ETNPPL: variants seen among roughly 807,000 people sequenced by gnomAD.
The protein encoded by ETNPPL is ethanolamine-phosphate phospho-lyase.
ETNPPL carries 30 observed loss-of-function variants against 55.5 expected under a neutral mutation model. The ratio of observed to expected loss-of-function variants is 0.54; its 90% CI spans 0.40 to 0.73. The LOEUF (loss-of-function observed/expected upper bound fraction) is 0.73, where lower values mean the gene tolerates loss of function less well. ETNPPL is among the 30% of genes least tolerant of loss of function. The probability of loss-of-function intolerance (pLI) is 0.00; values close to 1 mark genes in which losing one functional copy is unlikely to be tolerated. For missense variants in ETNPPL, 528 were observed against 607.9 expected (o/e 0.87, Z 1.38); for synonymous variants, 202 against 207.2 (o/e 0.98, Z 0.21).
At chr4:108,753,193 T>C (rs539185262) in intron 5 of ETNPPL, among the ~76,000 whole-genome samples, 182 bp from the exon 6 acceptor site, 1 of 152,346 alleles carries the variant, frequency 6.6e-6, no homozygotes, top group East Asian at 1.9e-4. Context: ...CATCTTTGAA[T>C]TGTGAACAGA....
chr4:108,762,751 A>G (rs1729574865), intron 1 of ETNPPL, 92 bp downstream of exon 1: 6 of 1,452,642 alleles, frequency 4.1e-6, no homozygotes, highest in East Asian at 2.3e-5. Flanking sequence ...GCTGCAGCGC[A>G]TCGTTTGTTC....
chr4:108,754,706 A>G lies in ETNPPL; in HGVS notation c.415T>C (p.Tyr139His). The change falls in exon 5 of 13, where the codon TAC becomes CAC. Residue 139 changes from tyrosine (Y) to histidine (H), a missense_variant. Coordinates refer to ENST00000296486, the MANE Select transcript of ETNPPL (RefSeq NM_031279.4). ...HQDVITLDHAYHGHLSSLIEI... is the reference protein window; with the variant it reads ...HQDVITLDHAHHGHLSSLIEI... ...ATTAAGGATGATAGGTGACCATGGT[A>G]AGCACTGAAGAGACAAAGAAAAAAA... 2 of 1,552,152 alleles carry G rather than the reference A, an allele frequency of 1.3e-6. No homozygotes were observed.
intron 11 of ETNPPL, among the ~76,000 whole-genome samples, chr4:108,745,795 G>A (rs144563456): frequency 1.8e-4 from 27 of 151,500 alleles, no homozygotes; most frequent in African/African-American, 6.3e-4. Flanking sequence ...GCCCGGCATG[G>A]TGGCGGGTGC....
chr4:108,752,956 G>A lies in ETNPPL; in HGVS notation c.557C>T (p.Ala186Val). 1 of 1,612,662 alleles carries A rather than the reference G, an allele frequency of 6.2e-7. No individual in the cohort carries two copies. The highest frequency in any genetic ancestry group is 8.5e-7 in the Non-Finnish European group (1 of 1,179,242). The change falls in exon 6 of 13, where the codon GCC becomes GTC. Residue 186 changes from alanine to valine, a missense_variant. Coordinates refer to ENST00000296486, the MANE Select transcript of ETNPPL (RefSeq NM_031279.4). ...GKYREDHADS[A>V]SAYADEVKKI... ...CTTCACTTCATCTGCATAAGCACTG[G>A]CTGAGTCTGCATGGTCTTCTCTATA...
intron 1 of ETNPPL, 28 bp downstream of exon 1, chr4:108,762,815 A>C (rs1184835032): frequency 1.2e-6 from 2 of 1,613,046 alleles, no homozygotes; most frequent in Admixed American, 3.3e-5. Flanking sequence ...CCCTCTCTGC[A>C]CTTACTTCCG....
intron 10 of ETNPPL, 29 bp downstream of exon 10, chr4:108,746,733 C>A (rs760750747): frequency 8.4e-5 from 134 of 1,602,902 alleles, no homozygotes; most frequent in Non-Finnish European, 1.1e-4. Context: ...AGCCAAGATA[C>A]CAAACAGGTG....
At position 108,747,870 on chromosome 4, in the gene ETNPPL, T is replaced by C. The variant is rs1388418068; in HGVS notation, c.1082+135A>G. 6.6e-5 allele frequency: 44 copies of C among 662,116 alleles called. No individual in the cohort carries two copies. In the East Asian group the frequency reaches 1.3e-3, roughly 19 times the overall value. The allele number at this position is 662,116 out of a possible 1,614,324, so 41.0% of individuals were successfully genotyped here. A position where few individuals can be genotyped will look rare whatever the true frequency, so the allele number is the denominator to read the frequency against. On this transcript the variant is annotated intron_variant, in intron 9 of 12. Coordinates refer to ENST00000296486, the MANE Select transcript of ETNPPL (RefSeq NM_031279.4). ...CAGCCTCCCGAGTAGCTGGGACTAT[T>C]TGTGTGTGCCACCACACCTGGCTAA... is the stretch of plus-strand genomic sequence containing the variant.
Position 108,750,920 on chromosome 4 carries a change from C to A in ETNPPL, c.701+16G>T, listed in dbSNP as rs768689996. The A allele has an allele frequency of 6.9e-6, 11 of 1,596,330 alleles. No homozygotes were observed. The Admixed American group carries it at 8.3e-5, about 12-fold the overall frequency. ...TGCTCTCAGTTTGACCAAGGAGGCCCAAGTCAAGTACATACTCTGCCACTT... is the reference window on the plus strand; with the variant it reads ...TGCTCTCAGTTTGACCAAGGAGGCCAAAGTCAAGTACATACTCTGCCACTT... On this transcript the variant is annotated intron_variant, in intron 7 of 12. Transcript: ENST00000296486.
chr4:108,743,908 G>GA (rs776647228), intron 11 of ETNPPL, 52 bp from the exon 12 acceptor site: 8 of 1,284,244 alleles, frequency 6.2e-6, no homozygotes, highest in Non-Finnish European at 8.9e-6. Context: ...AAAACCTTAA[G>GA]AAAAAAACTT....
At chr4:108,746,306 C>G in intron 11 of ETNPPL, 93 bp downstream of exon 11, 1 of 1,146,358 alleles carries the variant, frequency 8.7e-7, no homozygotes, top group African/African-American at 1.6e-5. Context: ...TCATGAATAA[C>G]AAGATGCATA....
At chr4:108,754,771 T>C in intron 4 of ETNPPL, 61 bp from the exon 5 acceptor site, 1 of 1,019,594 alleles carries the variant, frequency 9.8e-7, no homozygotes, top group South Asian at 1.3e-5. Flanking sequence ...TATTTTCAAG[T>C]ATATGAAAAC....
rs747151062 is a variant in ETNPPL at position 108,760,271 on chromosome 4, A to G, written c.92T>C (p.Ile31Thr). 3 of 1,611,496 alleles carry G rather than the reference A, an allele frequency of 1.9e-6. No individual in the cohort carries two copies. Among genetic ancestry groups the G allele is most frequent in the Non-Finnish European group, 2.5e-6 (3 of 1,178,016 alleles). ...CTGCCTCTGGGCTCTCACTATTTTG[A>G]TGGGATCCGATGCAAAGAAAACTTT... ...SCKVFFASDP[I>T]KIVRAQRQYM... Residue 31 changes from isoleucine (I) to threonine (T), a missense_variant, in exon 2 of 13, where the codon ATC (isoleucine) becomes ACC (threonine). By Grantham distance (89) the Ile-to-Thr change is moderately conservative. Transcript: ENST00000296486.
Position 108,742,489 on chromosome 4 carries a change from T to C in ETNPPL, c.1495A>G (p.Thr499Ala). 6.2e-7 allele frequency: 1 copy of C among 1,614,162 alleles called. No individual in the cohort carries two copies. Among genetic ancestry groups the C allele is most frequent in the Non-Finnish European group, 8.5e-7 (1 of 1,179,990 alleles). Reference sequence around the variant, plus strand: ...TGCTTTAAAATGCAAATCAGTCATGTCTTGAGCCTCTTACTGAGCAGTGAA... The same window carrying C: ...TGCTTTAAAATGCAAATCAGTCATGCCTTGAGCCTCTTACTGAGCAGTGAA... Reference protein sequence around the residue: ...THSLLSKRLKT With the variant: ...THSLLSKRLKA Residue 499 changes from threonine to alanine, a missense_variant, in exon 13 of 13, where the codon ACA becomes GCA. By Grantham distance (58) the Thr-to-Ala change is moderately conservative. Transcript: ENST00000296486.
At chr4:108,762,268 G>A (rs1332038245) in intron 1 of ETNPPL, 5 of 439,184 alleles carry the variant, frequency 1.1e-5, no homozygotes, top group Non-Finnish European at 2.3e-5. Flanking sequence ...AGAGCAAGTT[G>A]GGTAAGAGGG....
rs549154634 is a variant in ETNPPL at position 108,743,817 on chromosome 4, G to A, written c.1343C>T (p.Thr448Ile). 1.2e-6 allele frequency: 2 copies of A among 1,611,816 alleles called. No homozygotes were observed. The highest frequency in any genetic ancestry group is 2.2e-5 in the South Asian group (2 of 91,010). The part of the protein sequence containing the change: ...EAMGTKTESV[T>I]SENTPCKTKM... The stretch of plus-strand genomic sequence containing the variant: ...TGTTTTGCATGGAGTATTCTCAGAG[G>A]TCACACTTTCGGTTTTGGTTCCCAT... The change falls in exon 12 of 13, where the codon ACC (threonine) becomes ATC (isoleucine). Residue 448 changes from threonine (T) to isoleucine (I), a missense_variant. Thr to Ile is a moderately conservative substitution (Grantham distance 89). Transcript: ENST00000296486.
Position 108,742,243 on chromosome 4 carries a change from G to T in ETNPPL, c.*241C>A. 1 of 337,480 alleles carries T rather than the reference G, an allele frequency of 3.0e-6. No individual in the cohort carries two copies. The allele number at this position is 337,480 out of a possible 1,614,324, so 20.9% of individuals were successfully genotyped here. The stretch of plus-strand genomic sequence containing the variant: ...GAGTTTGCAAGCTTACAATTTAATA[G>T]AATAAATCAGGTAGCTTCAGAAATC... On this transcript the variant is annotated 3_prime_UTR_variant, in exon 13 of 13. Transcript: ENST00000296486.
At chr4:108,747,911 A>T (rs948066789) in intron 9 of ETNPPL, 94 bp downstream of exon 9, 2 of 1,072,630 alleles carry the variant, frequency 1.9e-6, no homozygotes, top group Non-Finnish European at 2.7e-6. Flanking sequence ...TGTAGTTTTA[A>T]TAGAGACGGG....
At chr4:108,747,124 TTATATATATATATATATATATATAATA>T (rs1728546407) in intron 9 of ETNPPL, among the ~76,000 whole-genome samples, 1 of 45,016 alleles carries the variant, frequency 2.2e-5, no homozygotes, top group Non-Finnish European at 4.3e-5. Flanking sequence ...AATGTTAACA[TTATATATATATATATATATATATAATA>T]TATATATATA....
chr4:108,762,656 C>T (rs1578399751), intron 1 of ETNPPL, 187 bp downstream of exon 1: 1 of 727,414 alleles, frequency 1.4e-6, no homozygotes, highest in East Asian at 2.7e-5. Context: ...GTTCCGGGTT[C>T]CAGGAGCGTT....
Sources: allele counts gnomAD v4.1 joint callset (sites outside exome capture counted in the v4.1 genomes callset), GRCh38; gene constraint gnomAD v4.1.1; transcripts MANE v1.5; gene names NCBI Gene and HGNC (gene_info 2026-07-23, HGNC 2026-07-21).